NSMCE2: variants seen among roughly 807,000 people sequenced by gnomAD.
The protein encoded by NSMCE2 is NSE2 SUMO ligase component of SMC5/6 complex, also known as E3 SUMO-protein ligase NSE2.
In NSMCE2, 24 loss-of-function variants were observed where a neutral mutation model predicts 23.8. The ratio of observed to expected loss-of-function variants is 1.01; its 90% CI spans 0.73 to 1.42. The LOEUF (loss-of-function observed/expected upper bound fraction) is 1.42. Ranked by LOEUF, NSMCE2 falls within the 40% of genes most tolerant of loss-of-function variation. NSMCE2 has a pLI of 0.00. For synonymous variants in NSMCE2, 92 were observed against 94.1 expected (o/e 0.98, Z 0.13); for missense variants, 284 against 296.5 (o/e 0.96, Z 0.31).
intron 5 of NSMCE2, among the ~76,000 whole-genome samples, chr8:125,287,298 C>CTGAA (rs1827939962): frequency 6.6e-6 from 1 of 152,128 alleles, no homozygotes; most frequent in South Asian, 2.1e-4. Flanking sequence ...CCCACCTGCA[C>CTGAA]TTCAGCCTGG....
chr8:125,115,421 G>A (rs1818957184), intron 3 of NSMCE2, among the ~76,000 whole-genome samples: 1 of 152,312 alleles, frequency 6.6e-6, no homozygotes, highest in South Asian at 2.1e-4. Flanking sequence ...CATGTACATT[G>A]ATTTATGTCT....
intron 5 of NSMCE2, among the ~76,000 whole-genome samples, chr8:125,204,138 A>T (rs1346542725): frequency 1.3e-5 from 2 of 152,224 alleles, no homozygotes; most frequent in Non-Finnish European, 2.9e-5. Context: ...GACTTAGTTC[A>T]TGTGACCTTT....
At chr8:125,184,208 T>G (rs1046036791) in intron 5 of NSMCE2, among the ~76,000 whole-genome samples, 18 of 152,208 alleles carry the variant, frequency 1.2e-4, no homozygotes, top group Non-Finnish European at 2.4e-4. Flanking sequence ...AAATTGTTCC[T>G]TCTTTTGTTA....
intron 3 of NSMCE2, among the ~76,000 whole-genome samples, chr8:125,142,590 G>A (rs993370140): frequency 2.0e-5 from 3 of 151,884 alleles, no homozygotes; most frequent in Non-Finnish European, 4.4e-5. Context: ...GTGGGCGGCA[G>A]TTATAAAATG....
intron 5 of NSMCE2, chr8:125,348,318 G>C (rs1812869669): frequency 6.6e-6 from 1 of 152,074 alleles, no homozygotes; most frequent in African/African-American, 2.4e-5. Flanking sequence ...TTCAACCTGT[G>C]TTCTAGTATT....
intron 5 of NSMCE2, among the ~76,000 whole-genome samples, chr8:125,193,020 G>A (rs1360927126): frequency 1.3e-5 from 2 of 152,080 alleles, no homozygotes; most frequent in Non-Finnish European, 2.9e-5. Flanking sequence ...TATTAACAAC[G>A]TATAATAGTT....
chr8:125,104,957 G>C (rs888846526), intron 3 of NSMCE2, among the ~76,000 whole-genome samples: 2 of 152,134 alleles, frequency 1.3e-5, no homozygotes, highest in African/African-American at 4.8e-5. Context: ...TGGGAGAAGG[G>C]GGTTGCAGTG....
At chr8:125,352,219 G>A (rs7837793) in intron 5 of NSMCE2, among the ~76,000 whole-genome samples, 8,663 of 151,924 alleles carry the variant, frequency 0.057, 314 homozygotes, top group Non-Finnish European at 0.086. Context: ...GGTGGCTCAC[G>A]CCTGTAATCC....
At chr8:125,209,207 A>C (rs1169023711) in intron 5 of NSMCE2, among the ~76,000 whole-genome samples, 2 of 152,250 alleles carry the variant, frequency 1.3e-5, no homozygotes, top group Non-Finnish European at 2.9e-5. Context: ...TTTTTATTGA[A>C]TAGTACTCTG....
At chr8:125,343,960 C>G (rs977663640) in intron 5 of NSMCE2, among the ~76,000 whole-genome samples, 2 of 152,100 alleles carry the variant, frequency 1.3e-5, no homozygotes, top group African/African-American at 4.8e-5. Context: ...GAGCCGAGAT[C>G]GCGCCACTGC....
chr8:125,277,387 T>C (rs557524938), intron 5 of NSMCE2, among the ~76,000 whole-genome samples: 2 of 152,322 alleles, frequency 1.3e-5, no homozygotes, highest in South Asian at 4.1e-4. Flanking sequence ...ATGGTACTTT[T>C]CAGGACCTAA....
chr8:125,160,141 A>C (rs1821531281), intron 4 of NSMCE2, among the ~76,000 whole-genome samples: 1 of 152,162 alleles, frequency 6.6e-6, no homozygotes, highest in South Asian at 2.1e-4. Context: ...CTTTGCTTAA[A>C]TTCTGGCTTT....
rs759634856 is a variant in NSMCE2, at chr8:125,290,931, A to G, written c.419-66288A>G. ...TACCATGAGGTCAGGCACCATAATT[A>G]TGTTTAATTCTCTAGTACCTAGCAG... On this transcript the variant is annotated intron_variant, in intron 5 of 7. Transcript: ENST00000287437. Among the ~76,000 whole-genome samples the G allele has an allele frequency of 4.3e-4, 65 of 152,234 alleles. 1 individual carries two copies. Among genetic ancestry groups the G allele is most frequent in the Non-Finnish European group, 4.9e-4 (33 of 68,036 alleles).
chr8:125,098,524 G>A (rs1315936910), intron 1 of NSMCE2, among the ~76,000 whole-genome samples: 4 of 152,172 alleles, frequency 2.6e-5, no homozygotes, highest in South Asian at 2.1e-4. Context: ...AGGCAAGACT[G>A]AGAGCAGGGA....
At chr8:125,248,863 A>G (rs557200046) in intron 5 of NSMCE2, among the ~76,000 whole-genome samples, 3 of 152,242 alleles carry the variant, frequency 2.0e-5, no homozygotes, top group African/African-American at 7.2e-5. Context: ...TAGGGCACTC[A>G]GGTATAATAA....
intron 5 of NSMCE2, among the ~76,000 whole-genome samples, chr8:125,334,084 A>T (rs1382891771): frequency 2.6e-5 from 4 of 152,206 alleles, no homozygotes; most frequent in African/African-American, 9.6e-5. Context: ...CTGTAGAGAT[A>T]ATAACTCCTG....
At chr8:125,296,899 A>G (rs997990636) in intron 5 of NSMCE2, among the ~76,000 whole-genome samples, 16 of 152,232 alleles carry the variant, frequency 1.1e-4, no homozygotes, top group African/African-American at 3.1e-4. Flanking sequence ...TTAGAATAAA[A>G]AACAACAGTG....
intron 5 of NSMCE2, among the ~76,000 whole-genome samples, chr8:125,286,211 G>C (rs1029644777): frequency 1.3e-5 from 2 of 152,106 alleles, no homozygotes; most frequent in Non-Finnish European, 2.9e-5. Flanking sequence ...CCTTTGTGTT[G>C]ATATGTCTTT....
intron 4 of NSMCE2, among the ~76,000 whole-genome samples, chr8:125,172,029 C>T (rs1822244024): frequency 1.3e-5 from 2 of 152,010 alleles, no homozygotes; most frequent in Admixed American, 6.6e-5. Context: ...AATTCTTTAC[C>T]TACATTAATT....
Sources: allele counts gnomAD v4.1 joint callset (sites outside exome capture counted in the v4.1 genomes callset), GRCh38; gene constraint gnomAD v4.1.1; transcripts MANE v1.5; gene names NCBI Gene and HGNC (gene_info 2026-07-23, HGNC 2026-07-21).